The following TFG variants were observed in gnomAD, a reference collection of about 807,000 sequenced individuals.
TFG encodes the protein protein TFG.
Under a neutral mutation model 51.4 loss-of-function variants are expected in TFG, and 22 were observed. The ratio of observed to expected loss-of-function variants is 0.43; its 90% CI spans 0.31 to 0.61. The LOEUF is 0.61. Among genes scored for constraint, TFG ranks in the 20% least tolerant of loss-of-function variants. TFG has a pLI of 0.12. For synonymous variants in TFG, 187 were observed against 165.6 expected (o/e 1.13, Z -0.99); for missense variants, 419 against 487.7 (o/e 0.86, Z 1.33).
chr3:100,729,988 G>C (rs1160787596), intron 4 of TFG, among the ~76,000 whole-genome samples: 1 of 152,096 alleles, frequency 6.6e-6, no homozygotes, highest in South Asian at 2.1e-4. Context: ...GTCACTTTAT[G>C]ATGAAACCTT....
At chr3:100,732,397 T>A (rs1208127785) in intron 4 of TFG, 111 bp from the exon 5 acceptor site, 2 of 653,332 alleles carry the variant, frequency 3.1e-6, no homozygotes, top group Non-Finnish European at 5.0e-6. Context: ...CCGACATGCT[T>A]AACATTCCAG....
intron 6 of TFG, 189 bp from the exon 7 acceptor site, chr3:100,744,644 C>T (rs959915731): frequency 1.1e-5 from 5 of 444,012 alleles, no homozygotes; most frequent in African/African-American, 2.0e-5. Context: ...AGTTAATCCA[C>T]AGCAGAGGAA....
chr3:100,740,893 G>T (rs1269851842), intron 6 of TFG, among the ~76,000 whole-genome samples: 1 of 152,004 alleles, frequency 6.6e-6, no homozygotes, highest in African/African-American at 2.4e-5. Flanking sequence ...GTCAACAGTG[G>T]ACTGCATATA....
At position 100,732,644 on chromosome 3, in the gene TFG, G is replaced by C. The variant is rs35648279; in HGVS notation, c.552G>C (p.Ala184=). ...QDEINKNVMS[A]FGLTDDQVSG... is the part of the protein sequence containing the mutation. The stretch of plus-strand genomic sequence containing the variant: ...AAATCAATAAAAATGTTATGTCAGC[G>C]TTTGGCTTAACAGATGATCAGGTTT... Residue 184 remains alanine (A), a synonymous_variant, in exon 5 of 8, where the codon GCG becomes GCC. Transcript: ENST00000240851. 6.2e-7 allele frequency: 1 copy of C among 1,611,000 alleles called. No homozygotes were observed. Among genetic ancestry groups the C allele is most frequent in the African/African-American group, 1.3e-5 (1 of 74,706 alleles).
chr3:100,725,644 AAT>A (rs1332687970), intron 3 of TFG, among the ~76,000 whole-genome samples: 4 of 126,848 alleles, frequency 3.2e-5, no homozygotes, highest in Non-Finnish European at 6.6e-5. Flanking sequence ...AAAAAAAAAA[AAT>A]TAGCTGGGTG....
chr3:100,743,924 C>T (rs2149095827), intron 6 of TFG: 1 of 150,888 alleles, frequency 6.6e-6, no homozygotes, highest in Admixed American at 6.6e-5. Flanking sequence ...GATTTAAATA[C>T]CAGATAGATA....
intron 2 of TFG, among the ~76,000 whole-genome samples, chr3:100,718,269 C>T (rs1197882817): frequency 6.6e-6 from 1 of 151,618 alleles, no homozygotes; most frequent in Non-Finnish European, 1.5e-5. Flanking sequence ...TTGCCTTTAT[C>T]TCAAACTGAC....
chr3:100,717,587 T>G (rs2095049754), intron 2 of TFG, among the ~76,000 whole-genome samples: 1 of 151,666 alleles, frequency 6.6e-6, no homozygotes, highest in Non-Finnish European at 1.5e-5. Context: ...GTGTTTTTTT[T>G]TTTTTTTGTA....
At chr3:100,733,070 T>C (rs1165366130) in intron 5 of TFG, among the ~76,000 whole-genome samples, 2 of 152,242 alleles carry the variant, frequency 1.3e-5, no homozygotes, top group African/African-American at 2.4e-5. Flanking sequence ...AAATTGAAAA[T>C]TAAATGTAGA....
Position 100,713,792 on chromosome 3 carries a change from T to G in TFG, c.107T>G (p.Leu36Ter). 1 of 1,608,220 alleles carries G rather than the reference T, an allele frequency of 6.2e-7. No individual in the cohort carries two copies. Among genetic ancestry groups the G allele is most frequent in the Non-Finnish European group, 8.5e-7 (1 of 1,175,794 alleles). The change falls in exon 2 of 8, where the codon TTA (leucine) becomes TGA (stop). Residue 36 changes from leucine (L) to a stop codon, truncating the protein, a stop_gained. Transcript: ENST00000240851. LOFTEE classifies it high-confidence loss of function. ...AATGAAGATATTACTTATGATGAAT[T>G]AGTGCTAATGATGCAACGAGTTTTC... ...IHNEDITYDELVLMMQRVFRG... is the reference protein window; with the variant it reads ...IHNEDITYDE
intron 6 of TFG, chr3:100,743,500 A>G (rs1408939372): frequency 6.6e-6 from 1 of 152,202 alleles, no homozygotes; most frequent in Non-Finnish European, 1.5e-5. Flanking sequence ...TTAAGAAAGC[A>G]TTTAAGAAAC....
chr3:100,744,273 T>C (rs992598812), intron 6 of TFG: 3 of 152,226 alleles, frequency 2.0e-5, no homozygotes, highest in Admixed American at 6.5e-5. Flanking sequence ...GTCCACGTTA[T>C]TGGCAAAAGA....
chr3:100,732,442 C>G, intron 4 of TFG, 66 bp from the exon 5 acceptor site: 1 of 1,186,600 alleles, frequency 8.4e-7, no homozygotes, highest in Non-Finnish European at 1.2e-6. Flanking sequence ...TTCCCTTGTA[C>G]TTTTAGGCCT....
At chr3:100,718,881 T>A (rs1423718853) in intron 2 of TFG, among the ~76,000 whole-genome samples, 1 of 152,122 alleles carries the variant, frequency 6.6e-6, no homozygotes, top group Admixed American at 6.5e-5. Context: ...TTGTTTTGAT[T>A]TGTGTCCGTT....
chr3:100,713,902 CT>C (rs139169678), intron 2 of TFG, 33 bp downstream of exon 2: 31 of 850,158 alleles, frequency 3.6e-5, no homozygotes, highest in South Asian at 2.1e-4. Flanking sequence ...TTTTTAAAGT[CT>C]TTTTAAAAAA....
intron 5 of TFG, among the ~76,000 whole-genome samples, chr3:100,733,612 C>CCA (rs755514457): frequency 6.6e-6 from 1 of 152,028 alleles, no homozygotes; most frequent in East Asian, 1.9e-4. Context: ...TTCCTCTCCC[C>CCA]CACACACACT....
intron 2 of TFG, among the ~76,000 whole-genome samples, chr3:100,714,423 C>G (rs150701125): frequency 0.014 from 2,106 of 151,990 alleles, 42 homozygotes; most frequent in African/African-American, 0.049. Context: ...TTACTTGAAC[C>G]CGGGAGGTGG....
intron 6 of TFG, chr3:100,742,390 G>A (rs997973331): frequency 2.6e-5 from 4 of 152,178 alleles, no homozygotes; most frequent in African/African-American, 9.6e-5. Context: ...ACAAATGTGA[G>A]TTATAGATAC....
Position 100,709,521 on chromosome 3 carries a change from G to A in TFG, c.-244G>A, listed in dbSNP as rs150224373. 4.9e-4 allele frequency: 74 copies of A among 152,224 alleles called. No individual in the cohort carries two copies. The highest frequency in any genetic ancestry group is 1.7e-3 in the African/African-American group (69 of 41,536). The allele number at this position is 152,224 out of a possible 1,614,324, so 9.4% of individuals were successfully genotyped here. ...TCTTCCCCCACCTGCCACGTACAGA[G>A]CCCAAGTTCTCGCTAGGCTTGTTGG... On this transcript the variant is annotated 5_prime_UTR_variant, in exon 1 of 8. Transcript: ENST00000240851.
Sources: allele counts gnomAD v4.1 joint callset (sites outside exome capture counted in the v4.1 genomes callset), GRCh38; gene constraint gnomAD v4.1.1; transcripts MANE v1.5; gene names NCBI Gene and HGNC (gene_info 2026-07-23, HGNC 2026-07-21).